The following ELMOD1 variants were observed in gnomAD, a reference collection of about 807,000 sequenced individuals.
ELMOD1 encodes the protein ELMO domain containing 1, also known as ELMO domain-containing protein 1.
A neutral mutation model predicts 46.7 loss-of-function variants in ELMOD1; 21 were observed. The ratio of observed to expected loss-of-function variants is 0.45; its 90% CI spans 0.32 to 0.65. ELMOD1 has a LOEUF of 0.65. Among genes scored for constraint, ELMOD1 ranks in the 30% least tolerant of loss-of-function variants. ELMOD1 has a pLI of 0.04. For missense variants in ELMOD1, 348 were observed against 407.8 expected (o/e 0.85, Z 1.26); for synonymous variants, 122 against 138.2 (o/e 0.88, Z 0.82).
intron 6 of ELMOD1, among the ~76,000 whole-genome samples, chr11:107,646,185 C>G (rs1866423534): frequency 6.6e-6 from 1 of 152,046 alleles, no homozygotes; most frequent in African/African-American, 2.4e-5. Flanking sequence ...GCGTCTCTCT[C>G]AAGTAATGAT....
intron 1 of ELMOD1, among the ~76,000 whole-genome samples, chr11:107,597,599 G>T (rs946006279): frequency 6.6e-6 from 1 of 152,096 alleles, no homozygotes; most frequent in Non-Finnish European, 1.5e-5. Context: ...AGTTTAAATT[G>T]AGCTCCCAGG....
intron 11 of ELMOD1, among the ~76,000 whole-genome samples, chr11:107,661,556 A>T (rs1423450269): frequency 6.6e-6 from 1 of 152,192 alleles, no homozygotes; most frequent in Non-Finnish European, 1.5e-5. Flanking sequence ...TACAAAATAG[A>T]TGTGTTTATT....
chr11:107,599,751 A>AAAAAAAAAAG (rs1865561024), intron 1 of ELMOD1, among the ~76,000 whole-genome samples: 1 of 141,256 alleles, frequency 7.1e-6, no homozygotes. Flanking sequence ...AAAAAAAAAA[A>AAAAAAAAAAG]GAAAAAAAGA....
intron 11 of ELMOD1, among the ~76,000 whole-genome samples, chr11:107,662,198 C>T (rs1866750899): frequency 3.3e-5 from 5 of 152,180 alleles, no homozygotes; most frequent in Admixed American, 2.6e-4. Flanking sequence ...GGCTGGAGTG[C>T]AGTGGCACCA....
rs1394116721 is a variant in ELMOD1, at chr11:107,605,402, T to G, written c.-85-12703T>G. ...TTTTAGTAGAGATGGGTTTTCACCA[T>G]GTTGCCCAGGCTGGTCTTGAACTCC... On this transcript the variant is annotated intron_variant, in intron 1 of 11. Coordinates refer to ENST00000265840, the MANE Select transcript of ELMOD1 (RefSeq NM_018712.4). Among the ~76,000 whole-genome samples the G allele has an allele frequency of 2.0e-5, 3 of 152,248 alleles. 1 individual carries two copies. In the East Asian group the frequency reaches 5.8e-4, roughly 29 times the overall value.
chr11:107,637,279 C>A (rs1447898767), intron 6 of ELMOD1, among the ~76,000 whole-genome samples: 1 of 152,194 alleles, frequency 6.6e-6, no homozygotes, highest in African/African-American at 2.4e-5. Flanking sequence ...CTGATTCACA[C>A]ATCTAGTAAA....
chr11:107,602,826 G>C (rs1427769271), intron 1 of ELMOD1, among the ~76,000 whole-genome samples: 2 of 150,554 alleles, frequency 1.3e-5, no homozygotes, highest in Non-Finnish European at 2.9e-5. Context: ...TCATATTTAA[G>C]ATTGAGGCAC....
chr11:107,654,856 T>C (rs1469494597), intron 10 of ELMOD1, among the ~76,000 whole-genome samples: 2 of 152,146 alleles, frequency 1.3e-5, no homozygotes. Flanking sequence ...AAATTTATTT[T>C]AGTTTTTTTA....
At chr11:107,657,224 T>G (rs1866650477) in intron 11 of ELMOD1, among the ~76,000 whole-genome samples, 1 of 152,186 alleles carries the variant, frequency 6.6e-6, no homozygotes, top group South Asian at 2.1e-4. Flanking sequence ...CAACGTTGTA[T>G]TCTAAAAAAT....
chr11:107,638,163 C>T (rs953525252), intron 6 of ELMOD1, among the ~76,000 whole-genome samples: 1 of 152,184 alleles, frequency 6.6e-6, no homozygotes, highest in Non-Finnish European at 1.5e-5. Flanking sequence ...ACTGCAGAAG[C>T]CGGCTCGTTT....
In ELMOD1 at chr11:107,656,078, G is replaced by C. The variant is rs1342284663; in HGVS notation, c.832+12G>C. 6.4e-7 allele frequency: 1 copy of C among 1,551,646 alleles called. No homozygotes were observed. The highest frequency in any genetic ancestry group is 8.7e-7 in the Non-Finnish European group (1 of 1,147,108). ...TCAGCAAACATTCTGTAAGTATCCT[G>C]TTGTATAATTATCAATATAGGTTTC... is the stretch of plus-strand genomic sequence containing the variant. On this transcript the variant is annotated intron_variant, in intron 11 of 11. Transcript: ENST00000265840.
chr11:107,634,801 A>G (rs1214560867), intron 5 of ELMOD1, among the ~76,000 whole-genome samples: 1 of 152,140 alleles, frequency 6.6e-6, no homozygotes, highest in African/African-American at 2.4e-5. Flanking sequence ...TGAGAGGGAA[A>G]TGAAGAAATA....
chr11:107,655,222 T>G (rs1237117864), intron 10 of ELMOD1, among the ~76,000 whole-genome samples: 6 of 152,206 alleles, frequency 3.9e-5, no homozygotes, highest in Admixed American at 2.6e-4. Flanking sequence ...AAATCGTCTT[T>G]AAGAAGATAG....
rs1309791613 is a variant in ELMOD1, at chr11:107,665,417, G to A, written c.*220G>A. ...ACTGCTCATATTGTGGCATTATGCAGTGTTACATCTTGCCTTGATACCCAG... is the reference window on the plus strand; with the variant it reads ...ACTGCTCATATTGTGGCATTATGCAATGTTACATCTTGCCTTGATACCCAG... On this transcript the variant is annotated 3_prime_UTR_variant, in exon 12 of 12. Transcript: ENST00000265840. The A allele has an allele frequency of 2.1e-6, 1 of 476,238 alleles. No homozygotes were observed. The highest frequency in any genetic ancestry group is 3.6e-6 in the Non-Finnish European group (1 of 274,102). 29.5% of individuals were successfully genotyped at this position (476,238 alleles called of 1,614,324 possible). A position where few individuals can be genotyped will look rare whatever the true frequency, so the allele number is the denominator to read the frequency against.
intron 9 of ELMOD1, chr11:107,653,846 A>G: frequency 4.3e-6 from 1 of 234,970 alleles, no homozygotes; most frequent in Non-Finnish European, 8.5e-6. Context: ...ATCAGGAGAG[A>G]GTGAGGCGAC....
intron 1 of ELMOD1, among the ~76,000 whole-genome samples, chr11:107,597,235 A>G (rs1591096016): frequency 6.6e-6 from 1 of 152,330 alleles, no homozygotes; most frequent in East Asian, 1.9e-4. Flanking sequence ...AGCCCAGAAC[A>G]AGCACTGGAA....
chr11:107,632,733 G>A (rs1394049532), intron 5 of ELMOD1, among the ~76,000 whole-genome samples: 3 of 152,134 alleles, frequency 2.0e-5, no homozygotes, highest in Admixed American at 6.5e-5. Context: ...AAAAATTTAA[G>A]ACTACAACTG....
At chr11:107,601,984 A>G (rs1360159582) in intron 1 of ELMOD1, among the ~76,000 whole-genome samples, 1 of 152,094 alleles carries the variant, frequency 6.6e-6, no homozygotes, top group African/African-American at 2.4e-5. Flanking sequence ...TCCTGGGTCC[A>G]ATGTCTTTCT....
At position 107,652,089 on chromosome 11, in the gene ELMOD1, G is replaced by C. The variant is rs1011133869; in HGVS notation, c.647+1181G>C. On this transcript the variant is annotated intron_variant, in intron 9 of 11. Transcript: ENST00000265840. ...ATAAAATTGAATCAATAAAGTTCATGTATTAATTACTTCAAACTGATGGTA... is the reference window on the plus strand; with the variant it reads ...ATAAAATTGAATCAATAAAGTTCATCTATTAATTACTTCAAACTGATGGTA... Among the ~76,000 whole-genome samples, 6 of 152,300 alleles carry C rather than the reference G, an allele frequency of 3.9e-5. No homozygotes were observed. In the East Asian group the frequency reaches 1.2e-3, roughly 29 times the overall value.
Sources: gnomAD v4.1 joint callset for allele counts (sites outside exome capture counted in the v4.1 genomes callset) on GRCh38, gnomAD v4.1.1 for gene constraint, MANE v1.5 for transcripts, NCBI Gene and HGNC (gene_info 2026-07-23, HGNC 2026-07-21) for gene names.